The following NEGR1 variants were observed in gnomAD, a reference collection of about 807,000 sequenced individuals.
NEGR1 encodes IgLON family member 4.
In NEGR1, 10 loss-of-function variants were observed where a neutral mutation model predicts 40.9. The ratio of observed to expected loss-of-function variants is 0.24; its 90% CI spans 0.15 to 0.42. The LOEUF is 0.42. NEGR1 is among the 10% of genes least tolerant of loss of function. The probability of loss-of-function intolerance (pLI) is 1.00; values close to 1 mark genes in which losing one functional copy is unlikely to be tolerated. For missense variants in NEGR1, 352 were observed against 438.9 expected (o/e 0.80, Z 1.77); for synonymous variants, 185 against 166.8 (o/e 1.11, Z -0.84).
At chr1:71,769,579 C>G (rs1656245759) in intron 3 of NEGR1, among the ~76,000 whole-genome samples, 1 of 152,118 alleles carries the variant, frequency 6.6e-6, no homozygotes, top group South Asian at 2.1e-4. Flanking sequence ...GATGGTTTTA[C>G]TAGGGGGTTT....
intron 1 of NEGR1, among the ~76,000 whole-genome samples, chr1:72,108,899 C>A (rs893961053): frequency 1.3e-5 from 2 of 150,898 alleles, no homozygotes; most frequent in Non-Finnish European, 3.0e-5. Flanking sequence ...TTTTTTTTAA[C>A]TTTAGACTTT....
At chr1:71,463,072 G>C (rs1646724258) in intron 6 of NEGR1, among the ~76,000 whole-genome samples, 1 of 152,042 alleles carries the variant, frequency 6.6e-6, no homozygotes, top group Admixed American at 6.6e-5. Flanking sequence ...TAGGCACTGG[G>C]GTAGTTTGGG....
chr1:71,799,054 T>A (rs1657450694), intron 2 of NEGR1, among the ~76,000 whole-genome samples: 1 of 152,218 alleles, frequency 6.6e-6, no homozygotes, highest in South Asian at 2.1e-4. Context: ...GTGTTTTTTT[T>A]TTTTTATTAT....
intron 1 of NEGR1, among the ~76,000 whole-genome samples, chr1:71,959,527 T>TA (rs1166285610): frequency 6.6e-6 from 1 of 152,198 alleles, no homozygotes; most frequent in Non-Finnish European, 1.5e-5. Flanking sequence ...TTGTACTAAA[T>TA]ACAATATTCA....
intron 4 of NEGR1, among the ~76,000 whole-genome samples, chr1:71,640,432 A>T (rs933815733): frequency 1.3e-5 from 2 of 152,022 alleles, no homozygotes; most frequent in African/African-American, 2.4e-5. Context: ...GGCCTTCCCT[A>T]CTGATTCAAG....
intron 2 of NEGR1, among the ~76,000 whole-genome samples, chr1:71,826,454 G>A (rs1175767946): frequency 6.6e-6 from 1 of 151,800 alleles, no homozygotes; most frequent in Non-Finnish European, 1.5e-5. Context: ...TTTGCATTTT[G>A]TTTGTTTTGT....
At chr1:71,542,308 G>A (rs900502793) in intron 6 of NEGR1, among the ~76,000 whole-genome samples, 10 of 151,698 alleles carry the variant, frequency 6.6e-5, no homozygotes, top group Non-Finnish European at 1.3e-4. Flanking sequence ...CTCTGTCCAG[G>A]CTGGTGACAG....
intron 1 of NEGR1, among the ~76,000 whole-genome samples, chr1:72,206,551 T>TG (rs1653404595): frequency 6.7e-6 from 1 of 149,654 alleles, no homozygotes; most frequent in South Asian, 2.1e-4. Flanking sequence ...ACCTTGACAT[T>TG]GTACTTTGTT....
chr1:71,826,787 C>T (rs1658641606), intron 2 of NEGR1, among the ~76,000 whole-genome samples: 1 of 151,840 alleles, frequency 6.6e-6, no homozygotes, highest in Non-Finnish European at 1.5e-5. Flanking sequence ...TAGCTAGTTA[C>T]CTACATAATT....
chr1:71,630,637 G>T (rs540679114), intron 4 of NEGR1, among the ~76,000 whole-genome samples: 1 of 151,744 alleles, frequency 6.6e-6, no homozygotes, highest in South Asian at 2.1e-4. Context: ...TTTTATGTGG[G>T]TTTTGAGTGT....
chr1:71,660,043 C>A (rs186816402), intron 4 of NEGR1, among the ~76,000 whole-genome samples: 2 of 152,086 alleles, frequency 1.3e-5, no homozygotes, highest in Non-Finnish European at 2.9e-5. Flanking sequence ...CATAGCAGTA[C>A]TATTTGCAAT....
rs527744200 is a variant in NEGR1, at chr1:71,407,235, G to C, written c.*211C>G. 7 of 384,340 alleles carry C rather than the reference G, an allele frequency of 1.8e-5. No homozygotes were observed. Among genetic ancestry groups the C allele is most frequent in the Non-Finnish European group, 3.3e-5 (7 of 210,646 alleles). The allele number at this position is 384,340 out of a possible 1,614,324, so 23.8% of individuals were successfully genotyped here. On this transcript the variant is annotated 3_prime_UTR_variant, in exon 7 of 7. Transcript: ENST00000357731. ...CAGAGCTTTCACGTCTTAAAAAAAG[G>C]ACAATGTGTACTGCTTCACAAGGTA...
At position 71,769,079 on chromosome 1, in the gene NEGR1, T is replaced by TC. The variant is rs533107337; in HGVS notation, c.535+7092_535+7093insG. Reference sequence around the variant, plus strand: ...ACATTTTTAACAATAAAACTTTTTTTTTTTTACAAATTACCTAGTTTCTGG... The same window carrying TC: ...ACATTTTTAACAATAAAACTTTTTTTCTTTTTACAAATTACCTAGTTTCTGG... On this transcript the variant is annotated intron_variant, in intron 3 of 6. Transcript: ENST00000357731. 1.4e-3 allele frequency among the ~76,000 whole-genome samples: 212 copies of TC among 151,754 alleles called. 2 individuals carry two copies. In the Middle Eastern group the frequency reaches 0.017, roughly 12 times the overall value.
At position 72,205,694 on chromosome 1, in the gene NEGR1, G is replaced by A. The variant is rs555305000; in HGVS notation, c.176+76625C>T. Among the ~76,000 whole-genome samples, 11 of 141,258 alleles carry A rather than the reference G, an allele frequency of 7.8e-5. No individual in the cohort carries two copies. In the East Asian group the frequency reaches 1.5e-3, roughly 19 times the overall value. 92.7% of individuals were successfully genotyped at this position (141,258 alleles called of 152,430 possible). A position where few individuals can be genotyped will look rare whatever the true frequency, so the allele number is the denominator to read the frequency against. On this transcript the variant is annotated intron_variant, in intron 1 of 6. Coordinates refer to ENST00000357731, the MANE Select transcript of NEGR1 (RefSeq NM_173808.3). ...CACACTGGGAGGCCGAGGAGTGTGC[G>A]TGAGTGGATTGAGCCCAGGAGCTCA...
At chr1:71,932,602 TA>T (rs1205370821) in intron 2 of NEGR1, among the ~76,000 whole-genome samples, 1 of 151,874 alleles carries the variant, frequency 6.6e-6, no homozygotes, top group Non-Finnish European at 1.5e-5. Context: ...CAAAATGATT[TA>T]AAAAAAATAG....
intron 6 of NEGR1, among the ~76,000 whole-genome samples, chr1:71,511,775 G>C (rs1033295531): frequency 8.5e-5 from 13 of 152,220 alleles, no homozygotes; most frequent in African/African-American, 2.6e-4. Context: ...GAAAAGATTA[G>C]TTAAAGACAC....
At chr1:71,822,626 G>A (rs1041226872) in intron 2 of NEGR1, among the ~76,000 whole-genome samples, 1 of 151,998 alleles carries the variant, frequency 6.6e-6, no homozygotes, top group Non-Finnish European at 1.5e-5. Context: ...CATGAGGGCA[G>A]GTTGACTGCA....
intron 4 of NEGR1, among the ~76,000 whole-genome samples, chr1:71,640,815 T>A (rs1651325048): frequency 6.6e-6 from 1 of 151,986 alleles, no homozygotes; most frequent in Non-Finnish European, 1.5e-5. Flanking sequence ...TTGAAATGAA[T>A]GGCTGAAAAC....
intron 2 of NEGR1, among the ~76,000 whole-genome samples, chr1:71,926,591 G>GAA (rs1387436424): frequency 7.2e-6 from 1 of 139,562 alleles, no homozygotes; most frequent in Non-Finnish European, 1.6e-5. Flanking sequence ...CCTTCTATAG[G>GAA]AAAAAAAAAA....
Sources: allele counts gnomAD v4.1 joint callset (sites outside exome capture counted in the v4.1 genomes callset), GRCh38; gene constraint gnomAD v4.1.1; transcripts MANE v1.5; gene names NCBI Gene and HGNC (gene_info 2026-07-23, HGNC 2026-07-21).